Variants in FGF13 observed in about 807,000 individuals in gnomAD.
The protein encoded by FGF13 is fibroblast growth factor 13.
A neutral mutation model predicts 19.5 loss-of-function variants in FGF13; 2 were observed. The observed-to-expected ratio is 0.10, with a 90% CI of 0.04 to 0.32. The LOEUF (loss-of-function observed/expected upper bound fraction) is 0.32, where lower values mean the gene tolerates loss of function less well. Among genes scored for constraint, FGF13 ranks in the 10% least tolerant of loss-of-function variants. The probability of loss-of-function intolerance (pLI) is 1.00; values close to 1 mark genes in which losing one functional copy is unlikely to be tolerated. For synonymous variants in FGF13, 72 were observed against 76.9 expected (o/e 0.94, Z 0.33); for missense variants, 113 against 192.7 (o/e 0.59, Z 2.45).
At chrX:139,182,809 T>C (rs761870587) in intron 1 of FGF13, among the ~76,000 whole-genome samples, 1 of 111,983 alleles carries the variant, frequency 8.9e-6, no homozygotes, top group Non-Finnish European at 1.9e-5. Context: ...AGCAAGTCCA[T>C]TCATTAAAAA....
At chrX:139,115,130 C>T (rs187221537) in intron 1 of FGF13, among the ~76,000 whole-genome samples, 1 of 111,387 alleles carries the variant, frequency 9.0e-6, no homozygotes, top group Admixed American at 9.6e-5. Context: ...ATTAATGTGT[C>T]CTAAATGGAA....
intron 1 of FGF13, among the ~76,000 whole-genome samples, chrX:138,900,094 G>T (rs977219272): frequency 9.0e-6 from 1 of 111,432 alleles, no homozygotes; most frequent in Admixed American, 9.5e-5. Flanking sequence ...ACCAGGCCTG[G>T]TAAGTCAGTC....
intron 1 of FGF13, among the ~76,000 whole-genome samples, chrX:138,938,346 G>T (rs1165256429): frequency 1.8e-5 from 2 of 111,898 alleles, no homozygotes; most frequent in African/African-American, 6.5e-5. Flanking sequence ...GAGGCTGTCA[G>T]TATAGACACA....
intron 3 of FGF13, among the ~76,000 whole-genome samples, chrX:138,774,508 A>C (rs1028826478): frequency 8.9e-6 from 1 of 111,768 alleles, no homozygotes; most frequent in Admixed American, 9.5e-5. Context: ...TGAAATTAAC[A>C]TTCAAACTGA....
intron 1 of FGF13, among the ~76,000 whole-genome samples, chrX:139,011,047 A>T (rs2092125879): frequency 9.0e-6 from 1 of 111,242 alleles, no homozygotes; most frequent in South Asian, 3.8e-4. Flanking sequence ...TAAACTATAA[A>T]ACTTAGAGGA....
chrX:139,012,725 G>C (rs1458304861), intron 1 of FGF13, among the ~76,000 whole-genome samples: 1 of 111,704 alleles, frequency 9.0e-6, no homozygotes, highest in Non-Finnish European at 1.9e-5. Context: ...TTAAATTTAA[G>C]ACTGAAGCCA....
intron 3 of FGF13, among the ~76,000 whole-genome samples, chrX:138,813,269 A>T (rs2090939668): frequency 9.0e-6 from 1 of 111,361 alleles, no homozygotes; most frequent in South Asian, 3.8e-4. Context: ...AATGCTGATA[A>T]CTTTTCATAA....
chrX:138,941,586 GATAGGAAGA>G (rs894876307), intron 1 of FGF13, among the ~76,000 whole-genome samples: 1 of 111,929 alleles, frequency 8.9e-6, no homozygotes, highest in African/African-American at 3.2e-5. Flanking sequence ...CATGCTCATG[GATAGGAAGA>G]ATCAATATTA....
chrX:138,816,189 T>C (rs896187929), intron 3 of FGF13, among the ~76,000 whole-genome samples: 5 of 111,494 alleles, frequency 4.5e-5, no homozygotes, highest in African/African-American at 1.6e-4. Flanking sequence ...ATCAAAAATA[T>C]GAAAATAAGT....
intron 1 of FGF13, among the ~76,000 whole-genome samples, chrX:139,090,673 C>T (rs913766477): frequency 9.0e-5 from 10 of 111,120 alleles, no homozygotes; most frequent in Non-Finnish European, 1.9e-4. Flanking sequence ...AGTGTGGTGG[C>T]TCACGCCTGT....
intron 3 of FGF13, among the ~76,000 whole-genome samples, chrX:138,684,332 A>T (rs917577548): frequency 9.0e-6 from 1 of 111,670 alleles, no homozygotes; most frequent in Admixed American, 9.5e-5. Context: ...CCATATTGTG[A>T]AACACACATA....
intron 1 of FGF13, among the ~76,000 whole-genome samples, chrX:139,113,423 T>C (rs754017282): frequency 8.9e-6 from 1 of 111,976 alleles, no homozygotes; most frequent in South Asian, 3.8e-4. Flanking sequence ...CTACAGCACA[T>C]TCCCACCTTG....
intron 1 of FGF13, among the ~76,000 whole-genome samples, chrX:139,105,112 C>T (rs1029941786): frequency 2.7e-5 from 3 of 110,628 alleles, no homozygotes; most frequent in African/African-American, 9.9e-5. Context: ...AGGATCAATT[C>T]CCTATCTGGC....
intron 1 of FGF13, among the ~76,000 whole-genome samples, chrX:138,870,310 A>C (rs1321694488): frequency 1.8e-5 from 2 of 111,900 alleles, no homozygotes. Context: ...ACACTTTTAC[A>C]TATCATTTTT....
chrX:139,081,067 G>A (rs2083367195), intron 1 of FGF13, among the ~76,000 whole-genome samples: 1 of 110,808 alleles, frequency 9.0e-6, no homozygotes, highest in Non-Finnish European at 1.9e-5. Flanking sequence ...CTTTGAAAAA[G>A]TTGTCCATCC....
intron 1 of FGF13, among the ~76,000 whole-genome samples, chrX:138,935,525 A>G (rs1225858851): frequency 8.9e-6 from 1 of 111,981 alleles, no homozygotes; most frequent in African/African-American, 3.2e-5. Flanking sequence ...CCCTTCTTCC[A>G]ACTCTGCCAA....
In FGF13 at chrX:139,099,650, T is replaced by C. The variant is rs1243138192; in HGVS notation, c.-113+103766A>G. 1.7e-4 allele frequency among the ~76,000 whole-genome samples: 19 copies of C among 110,595 alleles called. No homozygotes were observed. The Admixed American group carries it at 1.7e-3, about 10-fold the overall frequency. On this transcript the variant is annotated intron_variant, in intron 1 of 2. Transcript: ENST00000421460. Reference sequence around the variant, plus strand: ...AAAGAAAAGAGAACCAATCCAAGGGTATATCAAAGTCTGCTCCAAAGAACT... The same window carrying C: ...AAAGAAAAGAGAACCAATCCAAGGGCATATCAAAGTCTGCTCCAAAGAACT...
chrX:139,198,885 G>A (rs2084394584), intron 1 of FGF13, among the ~76,000 whole-genome samples: 2 of 111,622 alleles, frequency 1.8e-5, no homozygotes, highest in African/African-American at 6.5e-5. Flanking sequence ...CATTTACCGG[G>A]AAACCCACAC....
chrX:139,088,540 GA>G (rs142651925), intron 1 of FGF13, among the ~76,000 whole-genome samples: 351 of 65,517 alleles, frequency 5.4e-3, no homozygotes, highest in East Asian at 5.8e-3. Flanking sequence ...TTACTTGCAA[GA>G]AAAAAAAAAA....
Sources: allele counts gnomAD v4.1 joint callset (sites outside exome capture counted in the v4.1 genomes callset), GRCh38; gene constraint gnomAD v4.1.1; transcripts MANE v1.5; gene names NCBI Gene and HGNC (gene_info 2026-07-23, HGNC 2026-07-21).